The following C3orf70 variants were observed in gnomAD, a reference collection of about 807,000 sequenced individuals.
C3orf70 encodes UPF0524 protein C3orf70.
A neutral mutation model predicts 20.7 loss-of-function variants in C3orf70; 15 were observed. The ratio of observed to expected loss-of-function variants is 0.72; its 90% CI spans 0.48 to 1.11. C3orf70 has a LOEUF of 1.11. C3orf70 is among the 50% of genes most tolerant of loss of function. C3orf70 has a pLI of 0.00. For synonymous variants in C3orf70, 161 were observed against 125.7 expected, an observed-to-expected ratio of 1.28 and a Z score of -1.88; for missense variants, 332 against 317.6, an observed-to-expected ratio of 1.05 and a Z score of -0.34.
chr3:185,132,109 C>G (rs1716533575), intron 1 of C3orf70, among the ~76,000 whole-genome samples: 1 of 152,110 alleles, frequency 6.6e-6, no homozygotes, highest in Non-Finnish European at 1.5e-5. Flanking sequence ...CCCTAGGCAT[C>G]TGGAGAAAAC....
At chr3:185,138,976 C>T (rs1716685339) in intron 1 of C3orf70, among the ~76,000 whole-genome samples, 1 of 152,114 alleles carries the variant, frequency 6.6e-6, no homozygotes, top group East Asian at 1.9e-4. Context: ...GTGGCATACA[C>T]CTGTAGTTCC....
At chr3:185,138,016 A>G (rs1716662238) in intron 1 of C3orf70, among the ~76,000 whole-genome samples, 1 of 152,250 alleles carries the variant, frequency 6.6e-6, no homozygotes, top group Admixed American at 6.5e-5. Flanking sequence ...CAGACAAAGA[A>G]TAAAGACAAA....
Position 185,152,690 on chromosome 3 carries a change from G to A in C3orf70, c.134C>T (p.Ala45Val). 1 of 1,593,988 alleles carries A rather than the reference G, an allele frequency of 6.3e-7. No homozygotes were observed. Among genetic ancestry groups the A allele is most frequent in the Non-Finnish European group, 8.5e-7 (1 of 1,170,622 alleles). ...FQPCDGLSIC[A>V]THSHGKCFKL... ...GAAGCACTTGCCATGGCTGTGCGTG[G>A]CACAGATAGACAGCCCGTCGCACGG... The change falls in exon 1 of 2, where the codon GCC (alanine) becomes GTC (valine). Residue 45 changes from alanine (A) to valine (V), a missense_variant. Physicochemically the swap from Ala to Val is moderately conservative, Grantham distance 64. Transcript: ENST00000335012.
At chr3:185,120,787 G>T (rs1038349151) in intron 1 of C3orf70, among the ~76,000 whole-genome samples, 1 of 150,994 alleles carries the variant, frequency 6.6e-6, no homozygotes, top group East Asian at 1.9e-4. Context: ...TGGTGGGAAT[G>T]TAAACTAGTA....
At chr3:185,144,332 G>A (rs1047916362) in intron 1 of C3orf70, among the ~76,000 whole-genome samples, 2 of 152,094 alleles carry the variant, frequency 1.3e-5, no homozygotes, top group African/African-American at 2.4e-5. Flanking sequence ...ATTCAAACAC[G>A]AAGTCTGACT....
At chr3:185,093,386 A>C (rs1715634361) in intron 1 of C3orf70, among the ~76,000 whole-genome samples, 1 of 152,212 alleles carries the variant, frequency 6.6e-6, no homozygotes, top group African/African-American at 2.4e-5. Context: ...CACAACAGCC[A>C]ATCTGAAAAT....
intron 1 of C3orf70, among the ~76,000 whole-genome samples, chr3:185,111,562 A>G (rs1440890176): frequency 1.3e-5 from 2 of 152,220 alleles, no homozygotes. Context: ...CTTCAATAAA[A>G]AAGACAATAA....
At chr3:185,151,551 T>C (rs1716989282) in intron 1 of C3orf70, among the ~76,000 whole-genome samples, 2 of 152,322 alleles carry the variant, frequency 1.3e-5, no homozygotes, top group South Asian at 4.1e-4. Context: ...GCCTGGAATT[T>C]GTAAAGAAAA....
chr3:185,121,621 A>G (rs1716298275), intron 1 of C3orf70, among the ~76,000 whole-genome samples: 1 of 152,182 alleles, frequency 6.6e-6, no homozygotes, highest in Non-Finnish European at 1.5e-5. Flanking sequence ...ATTAAGGTTA[A>G]TCTGATGGGA....
intron 1 of C3orf70, among the ~76,000 whole-genome samples, chr3:185,109,820 C>T (rs1716025746): frequency 6.6e-6 from 1 of 151,812 alleles, no homozygotes; most frequent in Admixed American, 6.6e-5. Context: ...TGAGGCATAC[C>T]ACCCTCAAAA....
chr3:185,109,880 G>T (rs562371440), intron 1 of C3orf70, among the ~76,000 whole-genome samples: 1 of 152,254 alleles, frequency 6.6e-6, no homozygotes, highest in Non-Finnish European at 1.5e-5. Context: ...GAACGTACTT[G>T]TTTAGGAAGA....
intron 1 of C3orf70, among the ~76,000 whole-genome samples, chr3:185,090,602 T>C (rs1435351316): frequency 1.3e-5 from 2 of 152,240 alleles, no homozygotes; most frequent in African/African-American, 4.8e-5. Flanking sequence ...TCTTTGACTT[T>C]ATATTTTGAA....
intron 1 of C3orf70, among the ~76,000 whole-genome samples, chr3:185,095,632 T>C (rs1048888976): frequency 6.6e-6 from 1 of 152,242 alleles, no homozygotes; most frequent in Non-Finnish European, 1.5e-5. Context: ...TTACTGGTTT[T>C]TTAAAAGATT....
At chr3:185,118,740 A>T (rs1405817778) in intron 1 of C3orf70, among the ~76,000 whole-genome samples, 1 of 152,216 alleles carries the variant, frequency 6.6e-6, no homozygotes, top group Non-Finnish European at 1.5e-5. Context: ...TAAAACAAGT[A>T]TCAGAACACT....
chr3:185,128,100 C>T (rs1471562277), intron 1 of C3orf70, among the ~76,000 whole-genome samples: 6 of 152,186 alleles, frequency 3.9e-5, no homozygotes, highest in Non-Finnish European at 5.9e-5. Flanking sequence ...ACAAATAATG[C>T]TGATTTTTAG....
chr3:185,107,324 G>A (rs1577324181), intron 1 of C3orf70, among the ~76,000 whole-genome samples: 2 of 152,134 alleles, frequency 1.3e-5, no homozygotes, highest in South Asian at 4.1e-4. Flanking sequence ...TAAATCTATG[G>A]GGGAGAGATT....
intron 1 of C3orf70, among the ~76,000 whole-genome samples, chr3:185,098,861 A>G (rs1243173759): frequency 6.6e-6 from 1 of 152,216 alleles, no homozygotes; most frequent in Non-Finnish European, 1.5e-5. Context: ...CCCAAGCAAG[A>G]GAAAAATCTC....
chr3:185,139,077 G>A (rs1370624965), intron 1 of C3orf70, among the ~76,000 whole-genome samples: 1 of 151,694 alleles, frequency 6.6e-6, no homozygotes, highest in East Asian at 1.9e-4. Flanking sequence ...ACTCTAGCCT[G>A]GGCGACAGTG....
intron 1 of C3orf70, among the ~76,000 whole-genome samples, chr3:185,108,649 C>G (rs1425568642): frequency 1.3e-5 from 2 of 152,246 alleles, no homozygotes; most frequent in South Asian, 2.1e-4. Context: ...GTTAATGCCT[C>G]TAGTCTCAAA....
Sources: gnomAD v4.1 joint callset for allele counts (sites outside exome capture counted in the v4.1 genomes callset) on GRCh38, gnomAD v4.1.1 for gene constraint, MANE v1.5 for transcripts, NCBI Gene and HGNC (gene_info 2026-07-23, HGNC 2026-07-21) for gene names.